LPAR1: variants seen among roughly 807,000 people sequenced by gnomAD.
LPAR1 encodes the protein LPA receptor 1.
In LPAR1, 5 loss-of-function variants were observed where a neutral mutation model predicts 23.8. The ratio of observed to expected loss-of-function variants is 0.21; its 90% CI spans 0.11 to 0.44. The LOEUF is 0.44. LPAR1 is among the 20% of genes least tolerant of loss of function. The pLI is 0.99. For missense variants in LPAR1, 311 were observed against 482.8 expected (o/e 0.64, Z 3.33); for synonymous variants, 160 against 164.7 (o/e 0.97, Z 0.22).
chr9:110,966,620 T>TA, intron 4 of LPAR1, among the ~76,000 whole-genome samples: 1 of 151,890 alleles, frequency 6.6e-6, no homozygotes, highest in African/African-American at 2.4e-5. Flanking sequence ...TAGAATAAAA[T>TA]AATTTAAATT....
At chr9:111,019,668 T>G (rs907702204) in intron 2 of LPAR1, among the ~76,000 whole-genome samples, 1 of 151,226 alleles carries the variant, frequency 6.6e-6, no homozygotes, top group Admixed American at 6.6e-5. Context: ...AAACCCCGTC[T>G]CTACTAAAAA....
chr9:111,038,618 T>C (rs1465715359), upstream of LPAR1: 2 of 453,928 alleles, frequency 4.4e-6, no homozygotes, highest in East Asian at 1.4e-4. The surrounding 1 kb of genome is among the most constrained non-coding windows in gnomAD (Gnocchi z 4.4). Context: ...ACCCCCAGAG[T>C]CCGCCCTCCC....
At chr9:110,907,607 CAT>C (rs774512338) in intron 5 of LPAR1, among the ~76,000 whole-genome samples, 1 of 152,148 alleles carries the variant, frequency 6.6e-6, no homozygotes, top group Admixed American at 6.5e-5. Flanking sequence ...TTGACATTCA[CAT>C]GTCTGGACAA....
intron 5 of LPAR1, among the ~76,000 whole-genome samples, chr9:110,928,714 C>T (rs2094206018): frequency 6.6e-6 from 1 of 152,080 alleles, no homozygotes. Context: ...CTTGGCCTTT[C>T]CTCTCAGACT....
chr9:110,939,380 C>T (rs1328219122), intron 5 of LPAR1, among the ~76,000 whole-genome samples: 1 of 152,184 alleles, frequency 6.6e-6, no homozygotes, highest in Non-Finnish European at 1.5e-5. Context: ...TCTTTCTTCA[C>T]CAAATACCTT....
At chr9:111,033,358 C>T (rs766585873) in intron 2 of LPAR1, among the ~76,000 whole-genome samples, 24 of 152,184 alleles carry the variant, frequency 1.6e-4, no homozygotes, top group Non-Finnish European at 2.8e-4. Context: ...ACCCCTCCTC[C>T]TCTCCTACCA....
chr9:110,976,144 C>T (rs561113733), intron 2 of LPAR1, among the ~76,000 whole-genome samples: 8 of 151,990 alleles, frequency 5.3e-5, no homozygotes, highest in African/African-American at 7.3e-5. Flanking sequence ...GATGAACCCC[C>T]GCCTTACCAG....
At chr9:110,888,881 A>T (rs4556147) in intron 5 of LPAR1, among the ~76,000 whole-genome samples, 25,566 of 152,176 alleles carry the variant, frequency 0.17, 2,728 homozygotes, top group Admixed American at 0.24. Context: ...TGAAAAAATG[A>T]ATTTAGTGGC....
chr9:110,899,495 A>G (rs1265743099), intron 5 of LPAR1, among the ~76,000 whole-genome samples: 1 of 152,214 alleles, frequency 6.6e-6, no homozygotes, highest in Non-Finnish European at 1.5e-5. Context: ...CTGGGAAGAA[A>G]GGCATTTACG....
intron 2 of LPAR1, among the ~76,000 whole-genome samples, chr9:111,019,633 C>T (rs1436107814): frequency 2.0e-5 from 3 of 151,690 alleles, no homozygotes; most frequent in Admixed American, 6.6e-5. Context: ...GACAGGAGAT[C>T]GAGACCATCC....
chr9:110,883,891 C>G (rs1013763955), intron 5 of LPAR1, among the ~76,000 whole-genome samples: 2 of 152,148 alleles, frequency 1.3e-5, no homozygotes, highest in Non-Finnish European at 2.9e-5. Context: ...TTTTACATAC[C>G]TAGGTGGCAC....
At position 110,910,976 on chromosome 9, in the gene LPAR1, G is replaced by A. The variant is rs116050438; in HGVS notation, c.793+30445C>T. On this transcript the variant is annotated intron_variant, in intron 5 of 5. Transcript: ENST00000683809. ...TGTCAGTGTTGAAATGACAACAAAG[G>A]ATTGAAAATATTCCATCAACTTAGT... Among the ~76,000 whole-genome samples, 1,067 of 152,306 alleles carry A rather than the reference G, an allele frequency of 7.0e-3. 14 individuals are homozygous for A. The highest frequency in any genetic ancestry group is 0.024 in the African/African-American group (1,014 of 41,562).
chr9:111,035,999 T>C (rs542674412), intron 2 of LPAR1, 123 bp downstream of exon 2: 30 of 152,356 alleles, frequency 2.0e-4, no homozygotes, highest in Middle Eastern at 3.4e-3. Flanking sequence ...ATGGAATAGA[T>C]TCAGTAAAAC....
intron 2 of LPAR1, among the ~76,000 whole-genome samples, chr9:110,990,869 T>A (rs1365850432): frequency 1.3e-5 from 2 of 152,086 alleles, no homozygotes; most frequent in African/African-American, 4.8e-5. Context: ...TGACTAATAA[T>A]AAAATTGAAA....
chr9:110,945,884 G>A (rs1292512906), intron 4 of LPAR1, among the ~76,000 whole-genome samples: 1 of 152,034 alleles, frequency 6.6e-6, no homozygotes, highest in Admixed American at 6.6e-5. Context: ...CACATTTGAT[G>A]ACCCCTGTGA....
intron 5 of LPAR1, among the ~76,000 whole-genome samples, chr9:110,926,145 C>A (rs1183936763): frequency 1.3e-5 from 2 of 152,184 alleles, no homozygotes; most frequent in Non-Finnish European, 2.9e-5. Flanking sequence ...TGGTCTCGAT[C>A]TCCTGACCTC....
chr9:110,888,164 A>G (rs1313988991), intron 5 of LPAR1, among the ~76,000 whole-genome samples: 1 of 152,202 alleles, frequency 6.6e-6, no homozygotes, highest in Non-Finnish European at 1.5e-5. Flanking sequence ...ATTTAAAAAT[A>G]TAAATTTGTA....
intron 2 of LPAR1, among the ~76,000 whole-genome samples, chr9:111,014,018 C>G (rs561606128): frequency 1.3e-5 from 2 of 152,234 alleles, no homozygotes; most frequent in South Asian, 4.2e-4. Flanking sequence ...TCCAAAATAC[C>G]CAGCCTCCTG....
chr9:110,917,302 T>C (rs190773830), intron 5 of LPAR1, among the ~76,000 whole-genome samples: 122 of 152,226 alleles, frequency 8.0e-4, no homozygotes, highest in African/African-American at 2.9e-3. Context: ...TGAGCCAAGA[T>C]TGTGCCATTG....
Sources: allele counts gnomAD v4.1 joint callset (sites outside exome capture counted in the v4.1 genomes callset), GRCh38; gene constraint gnomAD v4.1.1; non-coding constraint Gnocchi (gnomAD v3.1); transcripts MANE v1.5; gene names NCBI Gene and HGNC (gene_info 2026-07-23, HGNC 2026-07-21).